Variants in VWA2 observed in about 807,000 individuals in gnomAD.
VWA2 encodes the protein von Willebrand factor A domain containing 2, also known as von Willebrand factor A domain-containing protein 2.
A neutral mutation model predicts 70.4 loss-of-function variants in VWA2; 73 were observed. The ratio of observed to expected loss-of-function variants is 1.04; its 90% CI spans 0.86 to 1.26. The LOEUF (loss-of-function observed/expected upper bound fraction) is 1.26, where lower values mean the gene tolerates loss of function less well. VWA2 is among the 50% of genes most tolerant of loss of function. VWA2 has a pLI of 0.00. For missense variants in VWA2, 1,011 were observed against 998.5 expected, an observed-to-expected ratio of 1.01 and a Z score of -0.17; for synonymous variants, 407 against 423.3, an observed-to-expected ratio of 0.96 and a Z score of 0.47.
chr10:114,287,182 C>T (rs201005934), intron 11 of VWA2, among the ~76,000 whole-genome samples: 1 of 152,118 alleles, frequency 6.6e-6, no homozygotes, highest in Non-Finnish European at 1.5e-5. Context: ...AGCTGAAACA[C>T]GTCTTTTTTT....
intron 4 of VWA2, among the ~76,000 whole-genome samples, chr10:114,259,486 A>T (rs543869234): frequency 1.6e-3 from 235 of 146,884 alleles, no homozygotes; most frequent in South Asian, 4.5e-3. Flanking sequence ...TTTTTTTTTC[A>T]TGTGGTCACA....
intron 5 of VWA2, among the ~76,000 whole-genome samples, chr10:114,261,688 G>C (rs1431808308): frequency 6.6e-6 from 1 of 152,142 alleles, no homozygotes; most frequent in African/African-American, 2.4e-5. Context: ...CCTCATTTTT[G>C]TGGTCTAAAA....
chr10:114,255,936 CA>C (rs200849627), intron 4 of VWA2, among the ~76,000 whole-genome samples: 2 of 151,498 alleles, frequency 1.3e-5, no homozygotes, highest in East Asian at 1.9e-4. Flanking sequence ...ACTGGGTTAG[CA>C]AAAAAAATCC....
intron 5 of VWA2, among the ~76,000 whole-genome samples, chr10:114,264,238 A>G (rs997476901): frequency 6.6e-6 from 1 of 152,248 alleles, no homozygotes; most frequent in African/African-American, 2.4e-5. Context: ...AACAGAAACA[A>G]CACAAAATAT....
At chr10:114,249,547 C>T (rs1023622954) in intron 2 of VWA2, among the ~76,000 whole-genome samples, 2 of 152,150 alleles carry the variant, frequency 1.3e-5, no homozygotes, top group Non-Finnish European at 2.9e-5. Flanking sequence ...TGAGCCACTG[C>T]GCCTGGCCCT....
At chr10:114,246,824 GCT>G in intron 1 of VWA2, 1 of 894,862 alleles carries the variant, frequency 1.1e-6, no homozygotes, top group Non-Finnish European at 1.8e-6. Flanking sequence ...AATCTAGAGC[GCT>G]ACAAGAAATA....
rs1239223627 is a variant in VWA2 at position 114,286,330 on chromosome 10, C to T, written c.1389C>T (p.Gly463=). 2.5e-6 allele frequency: 4 copies of T among 1,612,658 alleles called. No individual in the cohort carries two copies. The highest frequency in any genetic ancestry group is 3.4e-6 in the Non-Finnish European group (4 of 1,179,358). The change falls in exon 11 of 14, where the codon GGC becomes GGT. Residue 463 remains glycine, a synonymous_variant. Transcript: ENST00000392982. ...TESHSEDEVA[G]PARHARAREL... ...CACACTCCGAGGATGAGGTTGCGGG[C>T]CCAGCGCGTCACGCAAGGGCGCGAG...
chr10:114,291,226 A>G lies in VWA2; in HGVS notation c.2257A>G (p.Arg753Gly). Reference protein sequence around the residue: ...EGPHCENRFLRRP With the variant: ...EGPHCENRFLGRP ...TTCACTTCCTTCCCCAGGATTCTTG[A>G]GACGCCCCTGAGGCACATGGCTCCC... Residue 753 changes from arginine to glycine, a missense_variant, in exon 14 of 14, where the codon AGA (arginine) becomes GGA (glycine). By Grantham distance (125) the Arg-to-Gly change is moderately radical. Transcript: ENST00000392982. 1.3e-6 allele frequency: 2 copies of G among 1,550,498 alleles called. No homozygotes were observed. The highest frequency in any genetic ancestry group is 8.7e-7 in the Non-Finnish European group (1 of 1,146,948).
At position 114,289,412 on chromosome 10, in the gene VWA2, G is replaced by A. The variant is rs201479932; in HGVS notation, c.2045G>A (p.Arg682Gln). Residue 682 changes from arginine (R) to glutamine (Q), a missense_variant, in exon 12 of 14, where the codon CGG becomes CAG. Physicochemically the swap from Arg to Gln is conservative, Grantham distance 43. Transcript: ENST00000392982. ...GGTCTGCGGAGGCTTGCAGGTCCCC[G>A]GGATTCCCTGATCCACGTGGCAGCT... ...SEGLRRLAGP[R>Q]DSLIHVAAYA... The A allele has an allele frequency of 9.9e-6, 16 of 1,611,502 alleles. No homozygotes were observed. Among genetic ancestry groups the A allele is most frequent in the Admixed American group, 3.3e-5 (2 of 59,962 alleles).
chr10:114,240,249 A>G (rs1389496975), intron 1 of VWA2, among the ~76,000 whole-genome samples: 2 of 152,152 alleles, frequency 1.3e-5, no homozygotes, highest in Non-Finnish European at 2.9e-5. Flanking sequence ...TTCCCTTCCA[A>G]TAAGGCTAAC....
rs761247064 is a variant in VWA2, at chr10:114,289,272, T to C, written c.1905T>C (p.Ala635=). Residue 635 remains alanine (A), a synonymous_variant, in exon 12 of 14, where the codon GCT becomes GCC. Transcript: ENST00000392982. ...QRGARPGVPK[A]VVVLTGGRGA... The stretch of plus-strand genomic sequence containing the variant: ...GTGCCCGGCCTGGTGTCCCCAAAGC[T>C]GTGGTGGTGCTCACAGGCGGGAGAG... 1 of 1,614,070 alleles carries C rather than the reference T, an allele frequency of 6.2e-7. No homozygotes were observed. The highest frequency in any genetic ancestry group is 8.5e-7 in the Non-Finnish European group (1 of 1,180,048).
intron 1 of VWA2, chr10:114,246,171 T>C: frequency 1.7e-6 from 2 of 1,186,832 alleles, no homozygotes; most frequent in Non-Finnish European, 2.5e-6. Flanking sequence ...AAGCCTCCTT[T>C]TGAGGCAAAC....
chr10:114,240,635 T>C (rs942245776), intron 1 of VWA2, among the ~76,000 whole-genome samples: 1 of 152,184 alleles, frequency 6.6e-6, no homozygotes, highest in Non-Finnish European at 1.5e-5. Flanking sequence ...TATTAAGAAA[T>C]GTCGATTTAT....
At chr10:114,241,112 C>T (rs1247027154) in intron 1 of VWA2, among the ~76,000 whole-genome samples, 2 of 152,124 alleles carry the variant, frequency 1.3e-5, no homozygotes, top group Non-Finnish European at 2.9e-5. Flanking sequence ...GCAGAAGGTA[C>T]AGGTTTCCCA....
chr10:114,282,574 A>G lies in VWA2; in HGVS notation c.889+3A>G. 1.2e-6 allele frequency: 2 copies of G among 1,613,602 alleles called. No homozygotes were observed. Among genetic ancestry groups the G allele is most frequent in the Non-Finnish European group, 1.7e-6 (2 of 1,179,554 alleles). ...CTGCTACAGGACCACCTGCCCAGGTATGGTCTGTCTCTTGGATTTACAGGT... is the reference window on the plus strand; with the variant it reads ...CTGCTACAGGACCACCTGCCCAGGTGTGGTCTGTCTCTTGGATTTACAGGT... On this transcript the variant is annotated splice_donor_region_variant and intron_variant, in intron 9 of 13. Transcript: ENST00000392982.
At chr10:114,285,456 T>G (rs1359997369) in intron 10 of VWA2, among the ~76,000 whole-genome samples, 1 of 152,254 alleles carries the variant, frequency 6.6e-6, no homozygotes, top group Non-Finnish European at 1.5e-5. Flanking sequence ...ATATAAGGGC[T>G]TGATGAATAA....
intron 5 of VWA2, 32 bp downstream of exon 5, chr10:114,261,327 G>T: frequency 1.3e-6 from 2 of 1,579,702 alleles, no homozygotes; most frequent in Non-Finnish European, 1.7e-6. Context: ...TGTGGTTAGG[G>T]TGACGCCAAC....
rs76500291 is a variant in VWA2 at position 114,261,404 on chromosome 10, G to A, written c.371+109G>A. The A allele has an allele frequency of 6.6e-4, 507 of 769,910 alleles. 6 individuals carry two copies. The African/African-American group carries it at 7.5e-3, about 11-fold the overall frequency. 47.7% of individuals were successfully genotyped at this position (769,910 alleles called of 1,614,324 possible). A position where few individuals can be genotyped will look rare whatever the true frequency, so the allele number is the denominator to read the frequency against. On this transcript the variant is annotated intron_variant, in intron 5 of 13. Transcript: ENST00000392982. ...GGGCTCACAGAGAGGACTGTGGGCTGCTTTCAGGAGTCCAGCTGGGCACAG... is the reference window on the plus strand; with the variant it reads ...GGGCTCACAGAGAGGACTGTGGGCTACTTTCAGGAGTCCAGCTGGGCACAG...
chr10:114,246,387 GC>G (rs1419983454), intron 1 of VWA2: 16 of 594,646 alleles, frequency 2.7e-5, no homozygotes, highest in Non-Finnish European at 4.7e-5. Context: ...TGTAATCCCA[GC>G]TACTCAGAAG....
Sources: gnomAD v4.1 joint callset for allele counts (sites outside exome capture counted in the v4.1 genomes callset) on GRCh38, gnomAD v4.1.1 for gene constraint, MANE v1.5 for transcripts, NCBI Gene and HGNC (gene_info 2026-07-23, HGNC 2026-07-21) for gene names.